GAS6: variants seen among roughly 807,000 people sequenced by gnomAD.
The protein encoded by GAS6 is growth arrest-specific protein 6.
In GAS6, 41 loss-of-function variants were observed where a neutral mutation model predicts 75.8. That is an observed-to-expected ratio of 0.54 (90% CI 0.42 to 0.70). GAS6 has a LOEUF of 0.70. GAS6 is among the 30% of genes least tolerant of loss of function. The probability of loss-of-function intolerance (pLI) is 0.00; values close to 1 mark genes in which losing one functional copy is unlikely to be tolerated. For synonymous variants in GAS6, 432 were observed against 412.6 expected, an observed-to-expected ratio of 1.05 and a Z score of -0.57; for missense variants, 854 against 940.2, an observed-to-expected ratio of 0.91 and a Z score of 1.20.
intron 2 of GAS6, among the ~76,000 whole-genome samples, chr13:113,857,465 G>A (rs1370834083): frequency 6.6e-6 from 1 of 152,196 alleles, no homozygotes; most frequent in Non-Finnish European, 1.5e-5. Context: ...CCATGGAAGA[G>A]TCCAGAGCAT....
chr13:113,838,042 G>A, intron 6 of GAS6, 27 bp downstream of exon 6: 1 of 1,610,402 alleles, frequency 6.2e-7, no homozygotes, highest in East Asian at 2.2e-5. Context: ...GAGGAGAGAG[G>A]AGAGAGGCCT....
At chr13:113,851,524 A>AATGG (rs750357862) in intron 2 of GAS6, among the ~76,000 whole-genome samples, 64 of 151,260 alleles carry the variant, frequency 4.2e-4, no homozygotes, top group Non-Finnish European at 7.5e-4. Flanking sequence ...TGGGTGGGTG[A>AATGG]ATGGATGAGT....
intron 10 of GAS6, 83 bp from the exon 11 acceptor site, chr13:113,828,794 C>T: frequency 6.7e-7 from 1 of 1,490,062 alleles, no homozygotes; most frequent in Non-Finnish European, 9.2e-7. Flanking sequence ...CACTCATCCT[C>T]TCCTGAGCCA....
In GAS6 at chr13:113,863,972, G is replaced by A; in HGVS notation, c.-52C>T. 1 of 1,026,758 alleles carries A rather than the reference G, an allele frequency of 9.7e-7. No individual in the cohort carries two copies. The allele number at this position is 1,026,758 out of a possible 1,614,324, so 63.6% of individuals were successfully genotyped here. A position where few individuals can be genotyped will look rare whatever the true frequency, so the allele number is the denominator to read the frequency against. The stretch of plus-strand genomic sequence containing the variant: ...CGCCCGGGAGGCCGAGGCGAGCCGC[G>A]GGCGCCGCGGGGCGGAGGCTCCGGT... On this transcript the variant is annotated 5_prime_UTR_variant, in exon 1 of 15. Transcript: ENST00000327773. This position sits in a 1 kb window ranked among gnomAD's most constrained non-coding sequence, Gnocchi z 9.4.
intron 6 of GAS6, 97 bp from the exon 7 acceptor site, chr13:113,835,732 G>C (rs909158251): frequency 6.5e-7 from 1 of 1,529,460 alleles, no homozygotes; most frequent in Non-Finnish European, 8.7e-7. Context: ...ACCACCCAGA[G>C]GTCGCATCCA....
intron 2 of GAS6, among the ~76,000 whole-genome samples, chr13:113,851,821 A>G (rs1366244857): frequency 6.6e-6 from 1 of 152,244 alleles, no homozygotes; most frequent in Non-Finnish European, 1.5e-5. Context: ...TTCTTTTAAT[A>G]ATATGGAAGT....
rs551131814 is a variant in GAS6 at position 113,863,084 on chromosome 13, C to A, written c.255+491G>T. Among the ~76,000 whole-genome samples, 18 of 152,296 alleles carry A rather than the reference C, an allele frequency of 1.2e-4. No individual in the cohort carries two copies. The highest frequency in any genetic ancestry group is 4.3e-4 in the African/African-American group (18 of 41,574). ...CGGGGCCGCGGAGCCGCCCTCCCCT[C>A]CCGCATGCGGCCCCGCTCGATTCCT... On this transcript the variant is annotated intron_variant, in intron 2 of 14. Transcript: ENST00000327773. This position sits in a 1 kb window ranked among gnomAD's most constrained non-coding sequence, Gnocchi z 9.4.
rs1186893217 is a variant in GAS6 at position 113,847,940 on chromosome 13, G to A, written c.280+86C>T. On this transcript the variant is annotated intron_variant, in intron 3 of 14. Transcript: ENST00000327773. Reference sequence around the variant, plus strand: ...TAAGAATCTTCCTTCCAAGAGTTACGTGGTGAGGAGATTCCTCCAACATGA... The same window carrying A: ...TAAGAATCTTCCTTCCAAGAGTTACATGGTGAGGAGATTCCTCCAACATGA... 19 of 1,204,676 alleles carry A rather than the reference G, an allele frequency of 1.6e-5. 1 individual carries two copies. Among genetic ancestry groups the A allele is most frequent in the South Asian group, 4.9e-5 (4 of 82,436 alleles). The allele number at this position is 1,204,676 out of a possible 1,614,324, so 74.6% of individuals were successfully genotyped here.
rs2051847613 is a variant in GAS6 at position 113,848,081 on chromosome 13, T to C, written c.256-31A>G. 1.2e-6 allele frequency: 2 copies of C among 1,611,414 alleles called. No homozygotes were observed. The highest frequency in any genetic ancestry group is 1.1e-5 in the South Asian group (1 of 90,990). ...GAAAAAGAAAAAGAAAAGGCAAGCA[T>C]TGACCGGCACACTACGAGGGTCTCT... On this transcript the variant is annotated intron_variant, in intron 2 of 14. Coordinates refer to ENST00000327773, the MANE Select transcript of GAS6 (RefSeq NM_000820.4). This position sits in a 1 kb window ranked among gnomAD's most constrained non-coding sequence, Gnocchi z 4.8.
rs902518229 is a variant in GAS6, at chr13:113,835,541, C to T, written c.684G>A (p.Ala228=). 16 of 1,612,476 alleles carry T rather than the reference C, an allele frequency of 9.9e-6. No individual in the cohort carries two copies. Among genetic ancestry groups the T allele is most frequent in the Middle Eastern group, 1.6e-4 (1 of 6,064 alleles). The change falls in exon 7 of 15, where the codon GCG becomes GCA. Residue 228 remains alanine (A), a synonymous_variant. Coordinates refer to ENST00000327773, the MANE Select transcript of GAS6 (RefSeq NM_000820.4). ...GGCAAGCCTTCTCCTGGGAGCTGTA[C>T]GCAAAGCCCTCGTCACAGAGGCAGG... ...SYSCLCDEGF[A]YSSQEKACRD... is the part of the protein sequence containing the mutation.
chr13:113,861,651 G>A (rs2051972152), intron 2 of GAS6, among the ~76,000 whole-genome samples: 1 of 152,122 alleles, frequency 6.6e-6, no homozygotes, highest in Non-Finnish European at 1.5e-5. Flanking sequence ...GGGAGGGGTG[G>A]GCCTGGTGTG....
chr13:113,836,905 G>C, intron 6 of GAS6, among the ~76,000 whole-genome samples: 2 of 126,198 alleles, frequency 1.6e-5, no homozygotes, highest in Admixed American at 8.0e-5. Flanking sequence ...AAAGGAGGAG[G>C]GGGAATGGTG....
rs113830747 is a variant in GAS6 at position 113,860,647 on chromosome 13, A to G, written c.255+2928T>C. ...CCAGCAGGGAGAGGCAAGGCCAGGG[A>G]GGGAGAACAACAATATAAAAAGGAA... On this transcript the variant is annotated intron_variant, in intron 2 of 14. Transcript: ENST00000327773. Among the ~76,000 whole-genome samples, 570 of 152,276 alleles carry G rather than the reference A, an allele frequency of 3.7e-3. 8 individuals carry two copies. Among genetic ancestry groups the G allele is most frequent in the African/African-American group, 0.013 (547 of 41,550 alleles).
chr13:113,826,534 C>T (rs1199024401), intron 12 of GAS6, among the ~76,000 whole-genome samples: 22 of 94,066 alleles, frequency 2.3e-4, no homozygotes, highest in African/African-American at 5.1e-4. Context: ...CCCGGCCTCC[C>T]GGCGCCGGCC....
At chr13:113,850,051 A>C (rs2051861367) in intron 2 of GAS6, among the ~76,000 whole-genome samples, 1 of 152,250 alleles carries the variant, frequency 6.6e-6, no homozygotes, top group Non-Finnish European at 1.5e-5. Flanking sequence ...TCCTGAGAAC[A>C]TTCTGGTATA....
rs1449295386 is a variant in GAS6 at position 113,820,723 on chromosome 13, C to G, written c.*141G>C. ...CGTCAGAGGCCCCAAGTCCATCTCA[C>G]TATTTACAGATATGTTACAGGCCGG... On this transcript the variant is annotated 3_prime_UTR_variant, in exon 15 of 15. Transcript: ENST00000327773. The G allele has an allele frequency of 4.9e-6, 5 of 1,021,840 alleles. No individual in the cohort carries two copies. Among genetic ancestry groups the G allele is most frequent in the Non-Finnish European group, 6.9e-6 (5 of 721,922 alleles). The allele number at this position is 1,021,840 out of a possible 1,614,324, so 63.3% of individuals were successfully genotyped here.
chr13:113,846,275 G>A (rs952257535), intron 4 of GAS6, among the ~76,000 whole-genome samples: 3 of 152,218 alleles, frequency 2.0e-5, no homozygotes, highest in African/African-American at 4.8e-5. Context: ...ACTCAGAGGC[G>A]GGGATGGGCT....
intron 3 of GAS6, chr13:113,847,807 T>C (rs1466260126): frequency 3.7e-5 from 22 of 591,432 alleles, no homozygotes; most frequent in Non-Finnish European, 6.6e-5. Flanking sequence ...GATAACAGCA[T>C]TCACCTGAGG....
rs760562323 is a variant in GAS6 at position 113,828,698 on chromosome 13, T to C, written c.1157A>G (p.Glu386Gly). Residue 386 changes from glutamate (E) to glycine (G), a missense_variant, in exon 11 of 15, where the codon GAG (glutamate) becomes GGG (glycine). Coordinates refer to ENST00000327773, the MANE Select transcript of GAS6 (RefSeq NM_000820.4). ...HGMWQTISVE[E>G]LARNLVIKVN... Reference sequence around the variant, plus strand: ...CTTGATGACCAGATTCCGCGCCAGCTCCTCAACAGAGATCTGAAGAGAGGC... The same window carrying C: ...CTTGATGACCAGATTCCGCGCCAGCCCCTCAACAGAGATCTGAAGAGAGGC... 6.2e-7 allele frequency: 1 copy of C among 1,613,260 alleles called. No homozygotes were observed. The highest frequency in any genetic ancestry group is 8.5e-7 in the Non-Finnish European group (1 of 1,179,924).
Sources: gnomAD v4.1 joint callset for allele counts (sites outside exome capture counted in the v4.1 genomes callset) on GRCh38, gnomAD v4.1.1 for gene constraint, Gnocchi (gnomAD v3.1) non-coding constraint, MANE v1.5 for transcripts, NCBI Gene and HGNC (gene_info 2026-07-23, HGNC 2026-07-21) for gene names.